SENP7: variants seen among roughly 807,000 people sequenced by gnomAD.
SENP7 encodes SUMO specific peptidase 7.
In SENP7, 64 loss-of-function variants were observed where a neutral mutation model predicts 141.2. The ratio of observed to expected loss-of-function variants is 0.45; its 90% CI spans 0.37 to 0.56. SENP7 has a LOEUF of 0.56. Among genes scored for constraint, SENP7 ranks in the 20% least tolerant of loss-of-function variants. The pLI is 0.00. For synonymous variants in SENP7, 382 were observed against 426.4 expected (o/e 0.90, Z 1.28); for missense variants, 1,025 against 1,212.2 (o/e 0.85, Z 2.29).
rs60964718 is a variant in SENP7 at position 101,480,963 on chromosome 3, C to CAA, written c.186+12908_186+12909dup. 2.6e-4 allele frequency among the ~76,000 whole-genome samples: 21 copies of CAA among 79,522 alleles called. No homozygotes were observed. In the South Asian group the frequency reaches 5.7e-3, roughly 22 times the overall value. The allele number at this position is 79,522 out of a possible 152,430, so 52.2% of individuals were successfully genotyped here. A position where few individuals can be genotyped will look rare whatever the true frequency, so the allele number is the denominator to read the frequency against. ...GTCAGAATAGCTATTATCAGAAAGA[C>CAA]AAAAAAAAAAAACAGATGCTGGTGA... is the stretch of plus-strand genomic sequence containing the variant. On this transcript the variant is annotated intron_variant, in intron 3 of 23. Coordinates refer to ENST00000394095, the MANE Select transcript of SENP7 (RefSeq NM_020654.5).
At chr3:101,442,727 T>C (rs991444999) in intron 4 of SENP7, among the ~76,000 whole-genome samples, 15 of 151,846 alleles carry the variant, frequency 9.9e-5, no homozygotes, top group Non-Finnish European at 7.4e-5. Context: ...ACAAAAATCC[T>C]GCAATAGAAG....
chr3:101,449,181 A>C (rs1035249064), intron 4 of SENP7, among the ~76,000 whole-genome samples: 5 of 152,220 alleles, frequency 3.3e-5, no homozygotes, highest in African/African-American at 1.2e-4. Context: ...AAAAAGAATA[A>C]GAAGAAACGA....
chr3:101,382,158 A>G (rs2107501436), intron 6 of SENP7, among the ~76,000 whole-genome samples: 1 of 152,264 alleles, frequency 6.6e-6, no homozygotes, highest in East Asian at 1.9e-4. Context: ...GTAAAACATA[A>G]TTTTATGAAA....
intron 3 of SENP7, among the ~76,000 whole-genome samples, chr3:101,488,728 G>A (rs1322366342): frequency 6.6e-6 from 1 of 152,200 alleles, no homozygotes. Context: ...TGTAGTCCCA[G>A]CTACTTGGGA....
At chr3:101,333,169 T>C (rs2059099186) in intron 17 of SENP7, 1 of 298,690 alleles carries the variant, frequency 3.3e-6, no homozygotes, top group Non-Finnish European at 6.0e-6. Flanking sequence ...TTTGCTTAGC[T>C]CCATCTGGGC....
intron 3 of SENP7, among the ~76,000 whole-genome samples, chr3:101,464,354 C>T (rs2063689784): frequency 6.6e-6 from 1 of 152,098 alleles, no homozygotes; most frequent in Non-Finnish European, 1.5e-5. Context: ...CTGTTAGGAA[C>T]CAGGCCGCAC....
At chr3:101,454,789 A>C (rs1260150540) in intron 4 of SENP7, among the ~76,000 whole-genome samples, 1 of 152,210 alleles carries the variant, frequency 6.6e-6, no homozygotes, top group Non-Finnish European at 1.5e-5. Flanking sequence ...TGTCCAAAAA[A>C]TCAAATCTTA....
chr3:101,379,150 A>G (rs2060424812), intron 6 of SENP7, among the ~76,000 whole-genome samples: 1 of 152,210 alleles, frequency 6.6e-6, no homozygotes, highest in African/African-American at 2.4e-5. Flanking sequence ...AGCCTTTTCA[A>G]CAAATGATGC....
At chr3:101,362,910 T>G (rs535779030) in intron 10 of SENP7, among the ~76,000 whole-genome samples, 1 of 152,352 alleles carries the variant, frequency 6.6e-6, no homozygotes, top group East Asian at 1.9e-4. Context: ...CTGTTTCTTC[T>G]GAAATTTACA....
Position 101,459,012 on chromosome 3 carries a change from T to C in SENP7, c.227A>G (p.His76Arg), listed in dbSNP as rs747201811. The change falls in exon 4 of 24, where the codon CAT (histidine) becomes CGT (arginine). Residue 76 changes from histidine (H) to arginine (R), a missense_variant. Coordinates refer to ENST00000394095, the MANE Select transcript of SENP7 (RefSeq NM_020654.5). ...CCCTCGGATATGTTTTTTATTTTTA[T>C]GGTCTAGAGAGATGACTTTATTCCT... is the stretch of plus-strand genomic sequence containing the variant. ...SLRNKVISLD[H>R]KNKKHIRGCP... 2.2e-5 allele frequency: 36 copies of C among 1,608,090 alleles called. No homozygotes were observed. The highest frequency in any genetic ancestry group is 3.1e-5 in the Non-Finnish European group (36 of 1,176,658).
At chr3:101,443,999 A>G (rs1230690722) in intron 4 of SENP7, among the ~76,000 whole-genome samples, 13 of 148,826 alleles carry the variant, frequency 8.7e-5, no homozygotes, top group African/African-American at 2.5e-4. Flanking sequence ...TCATCTGACA[A>G]AGGGCTAATA....
At chr3:101,439,387 T>C (rs2062542930) in intron 4 of SENP7, among the ~76,000 whole-genome samples, 1 of 7,628 alleles carries the variant, frequency 1.3e-4, no homozygotes, top group Admixed American at 1.0e-3. Context: ...AGCCACCCCG[T>C]CCGGGAGGGA....
At chr3:101,477,937 A>G (rs1001405797) in intron 3 of SENP7, among the ~76,000 whole-genome samples, 1 of 152,070 alleles carries the variant, frequency 6.6e-6, no homozygotes, top group Non-Finnish European at 1.5e-5. Flanking sequence ...AATACAAAGA[A>G]TCAATGAAAA....
chr3:101,456,436 T>C (rs1367063432), intron 4 of SENP7, among the ~76,000 whole-genome samples: 2 of 152,178 alleles, frequency 1.3e-5, no homozygotes, highest in East Asian at 3.8e-4. Context: ...TCTACTGCTA[T>C]TGAATTTTAA....
chr3:101,458,181 A>G (rs2063420829), intron 4 of SENP7, among the ~76,000 whole-genome samples: 1 of 152,150 alleles, frequency 6.6e-6, no homozygotes, highest in African/African-American at 2.4e-5. Context: ...AGTCACCAAT[A>G]TATGTTTATA....
At chr3:101,457,309 C>A in intron 4 of SENP7, 1 of 1,454,334 alleles carries the variant, frequency 6.9e-7, no homozygotes, top group South Asian at 1.1e-5. Flanking sequence ...TCATCATCAT[C>A]CTCCCCAGTA....
At chr3:101,437,165 A>T (rs2062421861) in intron 4 of SENP7, among the ~76,000 whole-genome samples, 1 of 152,220 alleles carries the variant, frequency 6.6e-6, no homozygotes, top group African/African-American at 2.4e-5. Flanking sequence ...GGATCTAAAA[A>T]TCAAAACAAT....
At chr3:101,353,954 A>G (rs2059673776) in intron 11 of SENP7, among the ~76,000 whole-genome samples, 1 of 151,988 alleles carries the variant, frequency 6.6e-6, no homozygotes, top group Admixed American at 6.6e-5. Context: ...TACCCACCAA[A>G]AAAGAAAAAA....
chr3:101,501,171 T>C (rs779512422), intron 1 of SENP7, 52 bp from the exon 2 acceptor site: 2 of 1,218,334 alleles, frequency 1.6e-6, no homozygotes, highest in South Asian at 2.6e-5. Flanking sequence ...CTAAATGAGA[T>C]AAACAGTTTG....
Sources: allele counts gnomAD v4.1 joint callset (sites outside exome capture counted in the v4.1 genomes callset), GRCh38; gene constraint gnomAD v4.1.1; transcripts MANE v1.5; gene names NCBI Gene and HGNC (gene_info 2026-07-23, HGNC 2026-07-21).